SUPT3H: variants seen among roughly 807,000 people sequenced by gnomAD.
SUPT3H encodes the protein transcription initiation protein SPT3 homolog.
A neutral mutation model predicts 44.3 loss-of-function variants in SUPT3H; 44 were observed. That is an observed-to-expected ratio of 0.99 (90% CI 0.78 to 1.28). The LOEUF is 1.28. SUPT3H is among the 50% of genes most tolerant of loss of function. The pLI is 0.00. For missense variants in SUPT3H, 380 were observed against 387.1 expected, an observed-to-expected ratio of 0.98 and a Z score of 0.15; for synonymous variants, 124 against 125.6, an observed-to-expected ratio of 0.99 and a Z score of 0.09.
chr6:45,055,524 T>C (rs1790971203), intron 3 of SUPT3H, among the ~76,000 whole-genome samples: 1 of 152,004 alleles, frequency 6.6e-6, no homozygotes, highest in African/African-American at 2.4e-5. Context: ...TAAAGCCAAA[T>C]ACAGCCAACT....
chr6:44,819,282 A>G (rs982709360), intron 11 of SUPT3H, among the ~76,000 whole-genome samples: 3 of 152,178 alleles, frequency 2.0e-5, no homozygotes, highest in Non-Finnish European at 4.4e-5. Flanking sequence ...AATATAAAAA[A>G]TGATAGGGAC....
intron 3 of SUPT3H, among the ~76,000 whole-genome samples, chr6:45,024,606 A>G (rs2153520323): frequency 6.6e-6 from 1 of 152,228 alleles, no homozygotes; most frequent in East Asian, 1.9e-4. Flanking sequence ...TTTAGGCTCC[A>G]ATAATTTTGG....
chr6:45,184,776 A>G (rs1447460136), intron 2 of SUPT3H, among the ~76,000 whole-genome samples: 44 of 1,378 alleles, frequency 0.032, 1 homozygote, highest in Non-Finnish European at 0.075. Context: ...CAGGCAGAGG[A>G]AAAAAAAAAA....
At chr6:44,932,575 C>T in intron 10 of SUPT3H, 78 bp downstream of exon 10, 1 of 1,010,560 alleles carries the variant, frequency 9.9e-7, no homozygotes, top group Non-Finnish European at 1.4e-6. Flanking sequence ...AATTCCATTG[C>T]TTCTTCATTT....
chr6:45,129,544 C>G lies in SUPT3H; in HGVS notation c.102-23538G>C, dbSNP rs527623760. On this transcript the variant is annotated intron_variant, in intron 2 of 10. Transcript: ENST00000371459. The stretch of plus-strand genomic sequence containing the variant: ...CTAAAGATCATTTATTGAAAGTTCA[C>G]CGTCCTAGATACCCGTATGAACTAA... Among the ~76,000 whole-genome samples, 4 of 152,224 alleles carry G rather than the reference C, an allele frequency of 2.6e-5. No individual in the cohort carries two copies. The East Asian group carries it at 7.7e-4, about 29-fold the overall frequency.
chr6:45,040,925 T>A (rs1346007808), intron 3 of SUPT3H, among the ~76,000 whole-genome samples: 3 of 152,194 alleles, frequency 2.0e-5, no homozygotes, highest in African/African-American at 7.2e-5. Flanking sequence ...ATGAGCAATT[T>A]ATTTTTTCCA....
At chr6:45,168,582 G>A (rs564282249) in intron 2 of SUPT3H, among the ~76,000 whole-genome samples, 1 of 152,220 alleles carries the variant, frequency 6.6e-6, no homozygotes, top group South Asian at 2.1e-4. Context: ...GATATTTGGG[G>A]ATCACACAGT....
chr6:45,044,723 T>C (rs575944547), intron 3 of SUPT3H, among the ~76,000 whole-genome samples: 2 of 152,268 alleles, frequency 1.3e-5, no homozygotes, highest in Admixed American at 1.3e-4. Context: ...CCAGGCCTGC[T>C]GGGTTTCAGG....
chr6:45,351,856 G>A (rs1194819660), intron 2 of SUPT3H, among the ~76,000 whole-genome samples: 2 of 152,064 alleles, frequency 1.3e-5, no homozygotes, highest in African/African-American at 4.8e-5. Context: ...TGAGCACTTT[G>A]AAAAAGAGTA....
chr6:45,363,972 G>A (rs1461795950), intron 2 of SUPT3H, among the ~76,000 whole-genome samples: 8 of 151,846 alleles, frequency 5.3e-5, no homozygotes, highest in Admixed American at 1.3e-4. Flanking sequence ...AAAATTAGCC[G>A]GGTGTGGTGG....
intron 2 of SUPT3H, among the ~76,000 whole-genome samples, chr6:45,252,255 T>G (rs115767999): frequency 0.017 from 2,665 of 152,290 alleles, 50 homozygotes; most frequent in South Asian, 0.085. Context: ...AAGGTCACAG[T>G]TCATGAGAGA....
chr6:44,830,082 A>T (rs1057394183), intron 10 of SUPT3H, among the ~76,000 whole-genome samples: 11 of 152,194 alleles, frequency 7.2e-5, no homozygotes. Flanking sequence ...TTTGGGAAGT[A>T]GCAGATACAT....
chr6:45,313,198 A>T (rs541026664), intron 2 of SUPT3H, among the ~76,000 whole-genome samples: 1 of 152,302 alleles, frequency 6.6e-6, no homozygotes, highest in Non-Finnish European at 1.5e-5. Context: ...GAAAGAGCAC[A>T]AACAGACAAT....
intron 6 of SUPT3H, among the ~76,000 whole-genome samples, chr6:44,997,679 T>C (rs928596364): frequency 2.0e-5 from 3 of 151,896 alleles, no homozygotes; most frequent in Non-Finnish European, 4.4e-5. Flanking sequence ...CTAGTGCTCC[T>C]TGAACTCTCG....
intron 3 of SUPT3H, among the ~76,000 whole-genome samples, chr6:45,049,509 T>C (rs1186887915): frequency 6.6e-6 from 1 of 152,186 alleles, no homozygotes; most frequent in Non-Finnish European, 1.5e-5. Context: ...CCTTTTATTT[T>C]CCTAAGTTCT....
chr6:45,072,048 A>G (rs759638824), intron 3 of SUPT3H, among the ~76,000 whole-genome samples: 2 of 152,214 alleles, frequency 1.3e-5, no homozygotes, highest in African/African-American at 2.4e-5. Context: ...TACTACGTCC[A>G]GTCAAGTGAT....
At position 45,249,148 on chromosome 6, in the gene SUPT3H, A is replaced by C. The variant is rs58562048; in HGVS notation, c.101+116053T>G. Among the ~76,000 whole-genome samples, 1,152 of 152,260 alleles carry C rather than the reference A, an allele frequency of 7.6e-3. 20 individuals are homozygous for C. Among genetic ancestry groups the C allele is most frequent in the African/African-American group, 0.026 (1,092 of 41,544 alleles). ...CAGTTATTCTTTCCCAGATATAAGAATATTTCATTTAAATAGTTTCCTGAC... is the reference window on the plus strand; with the variant it reads ...CAGTTATTCTTTCCCAGATATAAGACTATTTCATTTAAATAGTTTCCTGAC... On this transcript the variant is annotated intron_variant, in intron 2 of 10. Coordinates refer to ENST00000371459, the MANE Select transcript of SUPT3H (RefSeq NM_003599.4).
chr6:45,009,653 C>T (rs144742678), intron 5 of SUPT3H, among the ~76,000 whole-genome samples: 36 of 152,250 alleles, frequency 2.4e-4, no homozygotes, highest in African/African-American at 8.7e-4. Flanking sequence ...CATTCCATTC[C>T]ATTTCATTGA....
chr6:45,292,071 T>A (rs1285162437), intron 2 of SUPT3H, among the ~76,000 whole-genome samples: 1 of 152,142 alleles, frequency 6.6e-6, no homozygotes, highest in African/African-American at 2.4e-5. Flanking sequence ...GGAACACCTA[T>A]CAGATTAACA....
Sources: allele counts gnomAD v4.1 joint callset (sites outside exome capture counted in the v4.1 genomes callset), GRCh38; gene constraint gnomAD v4.1.1; transcripts MANE v1.5; gene names NCBI Gene and HGNC (gene_info 2026-07-23, HGNC 2026-07-21).